CNTNAP4: variants seen among roughly 807,000 people sequenced by gnomAD.
The protein encoded by CNTNAP4 is contactin-associated protein-like 4.
Under a neutral mutation model 148.4 loss-of-function variants are expected in CNTNAP4, and 98 were observed. The observed-to-expected ratio is 0.66, with a 90% CI of 0.56 to 0.78. The LOEUF is 0.78. Among genes scored for constraint, CNTNAP4 ranks in the 30% least tolerant of loss-of-function variants. The pLI is 0.00. For missense variants in CNTNAP4, 1,935 were observed against 1,565.6 expected, an observed-to-expected ratio of 1.24 and a Z score of -3.98; for synonymous variants, 730 against 565.1, an observed-to-expected ratio of 1.29 and a Z score of -4.14.
intron 12 of CNTNAP4, among the ~76,000 whole-genome samples, chr16:76,487,684 A>G (rs2082075461): frequency 6.6e-6 from 1 of 152,202 alleles, no homozygotes; most frequent in Non-Finnish European, 1.5e-5. Flanking sequence ...TGGCCTGATA[A>G]GTGTGGCGTC....
intron 15 of CNTNAP4, among the ~76,000 whole-genome samples, chr16:76,515,536 C>T (rs973481377): frequency 2.0e-5 from 3 of 152,170 alleles, no homozygotes; most frequent in African/African-American, 7.2e-5. Flanking sequence ...ACCAATCCTA[C>T]CAGCACCTTG....
At chr16:76,503,955 TAAG>T (rs1228312899) in intron 15 of CNTNAP4, among the ~76,000 whole-genome samples, 1 of 151,794 alleles carries the variant, frequency 6.6e-6, no homozygotes, top group African/African-American at 2.4e-5. Context: ...AAGAAAAAAT[TAAG>T]AAAATTATAT....
chr16:76,533,783 C>T (rs2084093795), intron 17 of CNTNAP4, among the ~76,000 whole-genome samples: 1 of 152,062 alleles, frequency 6.6e-6, no homozygotes, highest in Non-Finnish European at 1.5e-5. Flanking sequence ...CCTACCATGC[C>T]CACTTGTGAC....
rs754266689 is a variant in CNTNAP4 at position 76,462,079 on chromosome 16, A to G, written c.1457A>G (p.Tyr486Cys). The change falls in exon 9 of 24, where the codon TAT becomes TGT. Residue 486 changes from tyrosine (Y) to cysteine (C), a missense_variant. Tyr to Cys is a radical substitution (Grantham distance 194, BLOSUM62 -2). Transcript: ENST00000611870. ...CCTCTGCTGGGGCCTGAGCAGATTTATTCGGGTGGCACCTATTATTTTGGA... is the reference window on the plus strand; with the variant it reads ...CCTCTGCTGGGGCCTGAGCAGATTTGTTCGGGTGGCACCTATTATTTTGGA... ...AAPLLGPEQI[Y>C]SGGTYYFGGC... 1 of 1,613,664 alleles carries G rather than the reference A, an allele frequency of 6.2e-7. No individual in the cohort carries two copies. Among genetic ancestry groups the G allele is most frequent in the East Asian group, 2.2e-5 (1 of 44,862 alleles).
intron 17 of CNTNAP4, among the ~76,000 whole-genome samples, chr16:76,527,371 C>G (rs1474065430): frequency 6.6e-6 from 1 of 152,084 alleles, no homozygotes; most frequent in Non-Finnish European, 1.5e-5. Flanking sequence ...CTACTTCAAT[C>G]CAATATAATT....
At chr16:76,358,997 G>A (rs1371703998) in intron 3 of CNTNAP4, among the ~76,000 whole-genome samples, 2 of 152,060 alleles carry the variant, frequency 1.3e-5, no homozygotes, top group Admixed American at 6.5e-5. Flanking sequence ...TCTGTGAATC[G>A]CTAATTGCTG....
intron 21 of CNTNAP4, among the ~76,000 whole-genome samples, chr16:76,551,166 G>A (rs982921360): frequency 4.6e-5 from 7 of 152,000 alleles, no homozygotes; most frequent in Non-Finnish European, 8.8e-5. Flanking sequence ...TCTCAGCAAC[G>A]TTGGGAGGCC....
chr16:76,430,102 C>G (rs1019689058), intron 4 of CNTNAP4, among the ~76,000 whole-genome samples: 4 of 152,104 alleles, frequency 2.6e-5, no homozygotes, highest in African/African-American at 9.7e-5. Flanking sequence ...TCAATTACAC[C>G]ATAGTCATGC....
chr16:76,405,116 C>T (rs924654897), intron 3 of CNTNAP4, among the ~76,000 whole-genome samples: 1 of 152,070 alleles, frequency 6.6e-6, no homozygotes, highest in Non-Finnish European at 1.5e-5. Context: ...TAGAAAATGA[C>T]ACAGAATTAA....
chr16:76,410,562 C>T (rs925779483), intron 3 of CNTNAP4, among the ~76,000 whole-genome samples: 9 of 151,612 alleles, frequency 5.9e-5, no homozygotes, highest in African/African-American at 1.5e-4. Context: ...AAACAGTGTC[C>T]GCTGCATGCA....
intron 2 of CNTNAP4, among the ~76,000 whole-genome samples, chr16:76,337,327 C>T (rs1351103133): frequency 6.6e-6 from 1 of 152,082 alleles, no homozygotes; most frequent in Non-Finnish European, 1.5e-5. Flanking sequence ...TAAATGTCAG[C>T]CGGTCTGAGA....
chr16:76,506,213 C>T lies in CNTNAP4; in HGVS notation c.2365+7519C>T, dbSNP rs1568439607. ...GGGAACGTATTTATTTTTGAGGAAC[C>T]ATCCAAAGTCTTTTAGACCAACAGT... On this transcript the variant is annotated intron_variant, in intron 15 of 23. Transcript: ENST00000611870. Among the ~76,000 whole-genome samples the T allele has an allele frequency of 2.1e-5, 2 of 95,876 alleles. 1 individual carries two copies. Among genetic ancestry groups the T allele is most frequent in the Non-Finnish European group, 5.9e-5 (2 of 33,778 alleles). 62.9% of individuals were successfully genotyped at this position (95,876 alleles called of 152,430 possible).
At chr16:76,411,008 T>G (rs1481852667) in intron 3 of CNTNAP4, among the ~76,000 whole-genome samples, 5 of 151,332 alleles carry the variant, frequency 3.3e-5, no homozygotes, top group Non-Finnish European at 3.0e-5. Flanking sequence ...ACAATATACA[T>G]TATAATATGA....
chr16:76,448,878 A>C lies in CNTNAP4; in HGVS notation c.854A>C (p.Asn285Thr), dbSNP rs758031210. 4 of 1,613,774 alleles carry C rather than the reference A, an allele frequency of 2.5e-6. No homozygotes were observed. Among genetic ancestry groups the C allele is most frequent in the Admixed American group, 1.7e-5 (1 of 60,002 alleles). Residue 285 changes from asparagine to threonine, a missense_variant, in exon 6 of 24, where the codon AAC (asparagine) becomes ACC (threonine). Transcript: ENST00000611870. ...ATCCAGCGTTTGGGCAAACAAGTCA[A>C]CTTCACAGTGGACGAACACAGGCAT... The part of the protein sequence containing the change: ...VLIQRLGKQV[N>T]FTVDEHRHHF...
At chr16:76,441,875 T>A (rs1336325007) in intron 4 of CNTNAP4, among the ~76,000 whole-genome samples, 1 of 152,152 alleles carries the variant, frequency 6.6e-6, no homozygotes, top group Non-Finnish European at 1.5e-5. Flanking sequence ...ACTAGGCAGA[T>A]AAGCATGCAT....
chr16:76,475,950 A>T lies in CNTNAP4; in HGVS notation c.1667A>T (p.Asn556Ile). The T allele has an allele frequency of 6.2e-7, 1 of 1,613,470 alleles. No homozygotes were observed. Among genetic ancestry groups the T allele is most frequent in the Non-Finnish European group, 8.5e-7 (1 of 1,179,430 alleles). Residue 556 changes from asparagine to isoleucine, a missense_variant, in exon 11 of 24, where the codon AAC becomes ATC. By Grantham distance (149) the Asn-to-Ile change is moderately radical (BLOSUM62 -3). Coordinates refer to ENST00000611870, the MANE Select transcript of CNTNAP4 (RefSeq NM_033401.5). ...GCACCTTCTTTTAGGTGTTTGCCCA[A>T]CTATTGTGAACACGGTGGGGAGTGT... ...SCGISDRCLP[N>I]YCEHGGECSQ...
intron 12 of CNTNAP4, among the ~76,000 whole-genome samples, chr16:76,485,587 C>G (rs35900964): frequency 1.3e-5 from 2 of 152,040 alleles, no homozygotes; most frequent in African/African-American, 4.8e-5. Flanking sequence ...CACCCCTTCT[C>G]ATGGTCCCAT....
chr16:76,339,721 A>G (rs1964313695), intron 2 of CNTNAP4, among the ~76,000 whole-genome samples: 1 of 152,210 alleles, frequency 6.6e-6, no homozygotes, highest in South Asian at 2.1e-4. Context: ...ATTTCTCTGA[A>G]TTTGGCCATA....
At chr16:76,470,497 A>ATATATATATATATATATATAT in intron 10 of CNTNAP4, among the ~76,000 whole-genome samples, 37 of 137,356 alleles carry the variant, frequency 2.7e-4, no homozygotes, top group African/African-American at 5.4e-4. Flanking sequence ...ATATATATAT[A>ATATATATATATATATATATAT]AAATTAGTCG....
Sources: gnomAD v4.1 joint callset for allele counts (sites outside exome capture counted in the v4.1 genomes callset) on GRCh38, gnomAD v4.1.1 for gene constraint, MANE v1.5 for transcripts, NCBI Gene and HGNC (gene_info 2026-07-23, HGNC 2026-07-21) for gene names.